Variants in CHD9 observed in about 807,000 individuals in gnomAD.
The protein encoded by CHD9 is ATP-dependent chromatin remodeler CHD9.
Under a neutral mutation model 316.1 loss-of-function variants are expected in CHD9, and 77 were observed. That is an observed-to-expected ratio of 0.24 (90% CI 0.20 to 0.29). CHD9 has a LOEUF of 0.29. Among genes scored for constraint, CHD9 ranks in the 10% least tolerant of loss-of-function variants. The pLI, the probability that CHD9 is intolerant of heterozygous loss-of-function variation, is 1.00. For missense variants in CHD9, 2,763 were observed against 3,438.1 expected, an observed-to-expected ratio of 0.80 and a Z score of 4.91; for synonymous variants, 1,129 against 1,158.3, an observed-to-expected ratio of 0.97 and a Z score of 0.51.
At chr16:53,250,324 T>C (rs2050021428) in intron 17 of CHD9, 3 of 373,842 alleles carry the variant, frequency 8.0e-6, no homozygotes, top group African/African-American at 2.2e-5. Context: ...CCTAATTGAG[T>C]ACAGTACTTT....
intron 1 of CHD9, among the ~76,000 whole-genome samples, chr16:53,154,332 A>G (rs1174632881): frequency 6.6e-6 from 1 of 152,342 alleles, no homozygotes; most frequent in Admixed American, 6.5e-5. Flanking sequence ...TTATAAAAAC[A>G]TCTTGCTTTT....
chr16:53,241,116 A>G (rs1397079351), intron 12 of CHD9, among the ~76,000 whole-genome samples: 4 of 152,206 alleles, frequency 2.6e-5, no homozygotes, highest in African/African-American at 9.6e-5. Flanking sequence ...CACAATTAAT[A>G]TTAACTGACC....
chr16:53,077,678 A>G (rs1343801272), intron 1 of CHD9, among the ~76,000 whole-genome samples: 2 of 152,220 alleles, frequency 1.3e-5, no homozygotes, highest in Non-Finnish European at 2.9e-5. Flanking sequence ...TACGTTTACA[A>G]TATGTAATGA....
At chr16:53,208,213 A>G in intron 2 of CHD9, 4 of 1,161,426 alleles carry the variant, frequency 3.4e-6, no homozygotes, top group Middle Eastern at 2.4e-4. Context: ...TCTTGGTTGC[A>G]GCTTGCTAAA....
chr16:53,150,165 A>G (rs1011084424), intron 1 of CHD9, among the ~76,000 whole-genome samples: 2 of 150,044 alleles, frequency 1.3e-5, no homozygotes, highest in African/African-American at 4.9e-5. Flanking sequence ...AATGTCTTGT[A>G]TGCTCTTTTT....
chr16:53,294,774 G>A (rs2054633950), intron 29 of CHD9, among the ~76,000 whole-genome samples: 1 of 152,238 alleles, frequency 6.6e-6, no homozygotes, highest in Non-Finnish European at 1.5e-5. Flanking sequence ...AATGGAAAGA[G>A]TGGCAAAGCA....
chr16:53,236,498 C>T (rs2048631092), intron 11 of CHD9, among the ~76,000 whole-genome samples: 1 of 152,004 alleles, frequency 6.6e-6, no homozygotes, highest in African/African-American at 2.4e-5. Flanking sequence ...ATCTCCAGGC[C>T]ATCCCTGAAG....
intron 1 of CHD9, among the ~76,000 whole-genome samples, chr16:53,085,446 T>G (rs958641461): frequency 3.9e-5 from 6 of 152,098 alleles, no homozygotes; most frequent in Non-Finnish European, 8.8e-5. Flanking sequence ...GGGGAGGACC[T>G]TCTATCCCCT....
chr16:53,118,129 GA>G (rs971017748), intron 1 of CHD9, among the ~76,000 whole-genome samples: 2 of 152,086 alleles, frequency 1.3e-5, no homozygotes, highest in Non-Finnish European at 2.9e-5. Flanking sequence ...ATGCGGCCAA[GA>G]CCTAAATATT....
chr16:53,171,269 A>C (rs2042697922), intron 2 of CHD9, among the ~76,000 whole-genome samples: 1 of 152,022 alleles, frequency 6.6e-6, no homozygotes, highest in Non-Finnish European at 1.5e-5. Context: ...ATACAAAAAA[A>C]TTAGCCAGGC....
At chr16:53,255,304 G>C (rs924606966) in intron 18 of CHD9, among the ~76,000 whole-genome samples, 19 of 152,090 alleles carry the variant, frequency 1.2e-4, no homozygotes, top group African/African-American at 4.3e-4. Context: ...GCAAGACCCT[G>C]TCTTAAAAAG....
intron 2 of CHD9, among the ~76,000 whole-genome samples, chr16:53,178,173 A>G (rs762711154): frequency 6.6e-6 from 1 of 152,166 alleles, no homozygotes; most frequent in African/African-American, 2.4e-5. Flanking sequence ...CAGGAGGACT[A>G]TGGCAAAAGA....
At chr16:53,295,343 T>C (rs779324469) in intron 29 of CHD9, among the ~76,000 whole-genome samples, 2 of 152,206 alleles carry the variant, frequency 1.3e-5, no homozygotes, top group Non-Finnish European at 2.9e-5. Flanking sequence ...GCCAGGCTTG[T>C]CTTGAATTCC....
At chr16:53,263,201 T>G (rs1473804873) in intron 20 of CHD9, 104 bp downstream of exon 20, 2 of 746,066 alleles carry the variant, frequency 2.7e-6, no homozygotes, top group Non-Finnish European at 4.3e-6. Context: ...AAAACAAATT[T>G]CTAGATATAT....
At chr16:53,203,081 CTAA>C (rs1374790389) in intron 2 of CHD9, among the ~76,000 whole-genome samples, 10 of 152,104 alleles carry the variant, frequency 6.6e-5, no homozygotes, top group African/African-American at 1.4e-4. Flanking sequence ...AGCCACCATA[CTAA>C]TGTTTGACAC....
chr16:53,115,573 G>A (rs958325966), intron 1 of CHD9, among the ~76,000 whole-genome samples: 2 of 152,204 alleles, frequency 1.3e-5, no homozygotes, highest in Non-Finnish European at 1.5e-5. Context: ...AAGGCTTCCA[G>A]TGTCCTGTTC....
At chr16:53,128,382 A>G (rs2152672371) in intron 1 of CHD9, among the ~76,000 whole-genome samples, 1 of 152,046 alleles carries the variant, frequency 6.6e-6, no homozygotes, top group African/African-American at 2.4e-5. Flanking sequence ...AGGTTTCTCC[A>G]TGTTGGTCAG....
At chr16:53,233,296 C>T (rs983788843) in intron 10 of CHD9, among the ~76,000 whole-genome samples, 6 of 152,138 alleles carry the variant, frequency 3.9e-5, no homozygotes, top group South Asian at 2.1e-4. Context: ...CAAGTTTTAC[C>T]GGTTTATTCC....
At chr16:53,306,149 G>A in intron 31 of CHD9, 88 bp from the exon 32 acceptor site, 1 of 697,036 alleles carries the variant, frequency 1.4e-6, no homozygotes, top group Non-Finnish European at 2.1e-6. Flanking sequence ...TTCATTTTCA[G>A]GTGTTTCTGA....
Sources: allele counts gnomAD v4.1 joint callset (sites outside exome capture counted in the v4.1 genomes callset), GRCh38; gene constraint gnomAD v4.1.1; transcripts MANE v1.5; gene names NCBI Gene and HGNC (gene_info 2026-07-23, HGNC 2026-07-21).